The following EPDR1 variants were observed in gnomAD, a reference collection of about 807,000 sequenced individuals.
The protein encoded by EPDR1 is mammalian ependymin-related protein 1.
EPDR1 carries 27 observed loss-of-function variants against 23.7 expected under a neutral mutation model. That is an observed-to-expected ratio of 1.14 (90% CI 0.84 to 1.57). The LOEUF is 1.57. Among genes scored for constraint, EPDR1 ranks in the 40% most tolerant of loss-of-function variants. The pLI, the probability that EPDR1 is intolerant of heterozygous loss-of-function variation, is 0.00. For synonymous variants in EPDR1, 137 were observed against 118.2 expected (o/e 1.16, Z -1.03); for missense variants, 349 against 290.4 (o/e 1.20, Z -1.47).
chr7:37,938,339 C>T (rs114839363), intron 1 of EPDR1, among the ~76,000 whole-genome samples: 3,624 of 152,090 alleles, frequency 0.024, 156 homozygotes, highest in East Asian at 0.19. Context: ...CAGAGGGAGC[C>T]AAATCAGGAC....
chr7:37,921,116 C>A lies in EPDR1; in HGVS notation c.177C>A (p.Ser59Arg). The A allele has an allele frequency of 6.3e-7, 1 of 1,594,056 alleles. No homozygotes were observed. The highest frequency in any genetic ancestry group is 8.5e-7 in the Non-Finnish European group (1 of 1,177,768). Residue 59 changes from serine (S) to arginine (R), a missense_variant, in exon 1 of 3, where the codon AGC (serine) becomes AGA (arginine). Ser to Arg is a moderately radical substitution (Grantham distance 110, BLOSUM62 -1). Coordinates refer to ENST00000199448, the MANE Select transcript of EPDR1 (RefSeq NM_017549.5). The stretch of plus-strand genomic sequence containing the variant: ...GCCAGGTTATGTACCAGCAAAGTAG[C>A]GGGCGCAACAGCCGCGCCCTGCTCT... ...EGRQVMYQQSSGRNSRALLSY... is the reference protein window; with the variant it reads ...EGRQVMYQQSRGRNSRALLSY...
chr7:37,938,633 C>T (rs1786107046), intron 1 of EPDR1, among the ~76,000 whole-genome samples: 1 of 152,206 alleles, frequency 6.6e-6, no homozygotes, highest in Non-Finnish European at 1.5e-5. Context: ...TTTAACTGGA[C>T]CACTTCTACC....
chr7:37,950,340 C>T lies in EPDR1; in HGVS notation c.619C>T (p.Pro207Ser), dbSNP rs1264695885. 6.2e-7 allele frequency: 1 copy of T among 1,613,802 alleles called. No individual in the cohort carries two copies. Among genetic ancestry groups the T allele is most frequent in the Non-Finnish European group, 8.5e-7 (1 of 1,179,932 alleles). The change falls in exon 3 of 3, where the codon CCA (proline) becomes TCA (serine). Residue 207 changes from proline (P) to serine (S), a missense_variant. Transcript: ENST00000199448. Reference protein sequence around the residue: ...GIKDPSVFTPPSTCQMAQLEK... With the variant: ...GIKDPSVFTPSSTCQMAQLEK... The stretch of plus-strand genomic sequence containing the variant: ...TAAAGACCCCTCGGTGTTTACCCCT[C>T]CAAGCACGTGCCAGATGGCCCAACT...
At chr7:37,931,252 G>A (rs71535793) in intron 1 of EPDR1, among the ~76,000 whole-genome samples, 1,648 of 152,258 alleles carry the variant, frequency 0.011, 16 homozygotes, top group Middle Eastern at 0.048. Context: ...GGTGGCTCAC[G>A]CTTGTAATCC....
At chr7:37,940,464 G>A (rs1428121819) in intron 1 of EPDR1, among the ~76,000 whole-genome samples, 1 of 152,084 alleles carries the variant, frequency 6.6e-6, no homozygotes, top group Non-Finnish European at 1.5e-5. Flanking sequence ...GGAACCTAAT[G>A]ATCTATCAAT....
At chr7:37,927,658 G>C (rs775223285) in intron 1 of EPDR1, among the ~76,000 whole-genome samples, 7 of 152,104 alleles carry the variant, frequency 4.6e-5, no homozygotes, top group Non-Finnish European at 8.8e-5. Flanking sequence ...ATCCTCAGAG[G>C]GTGTTTCTGT....
At chr7:37,931,827 T>C (rs1297922528) in intron 1 of EPDR1, among the ~76,000 whole-genome samples, 1 of 152,052 alleles carries the variant, frequency 6.6e-6, no homozygotes, top group Non-Finnish European at 1.5e-5. Context: ...GCCTCCCGAG[T>C]AGCTGGGACT....
intron 1 of EPDR1, among the ~76,000 whole-genome samples, chr7:37,923,060 A>C (rs1785742159): frequency 6.6e-6 from 1 of 152,130 alleles, no homozygotes; most frequent in Non-Finnish European, 1.5e-5. Context: ...ACCACAGACC[A>C]CTCACTATTA....
At chr7:37,929,350 G>A (rs1785884500) in intron 1 of EPDR1, among the ~76,000 whole-genome samples, 1 of 152,130 alleles carries the variant, frequency 6.6e-6, no homozygotes, top group African/African-American at 2.4e-5. Flanking sequence ...TAACTCCTCA[G>A]AACACTTTAC....
chr7:37,920,754 G>T lies in EPDR1; in HGVS notation c.-186G>T. On this transcript the variant is annotated 5_prime_UTR_variant, in exon 1 of 3. Transcript: ENST00000199448. Reference sequence around the variant, plus strand: ...GAGCCTTCCCCGGGCCCTGGTCCCGGCTACCGGGACTCGCGCGTCCGGATC... The same window carrying T: ...GAGCCTTCCCCGGGCCCTGGTCCCGTCTACCGGGACTCGCGCGTCCGGATC... 1.2e-6 allele frequency: 2 copies of T among 1,609,508 alleles called. No homozygotes were observed. Among genetic ancestry groups the T allele is most frequent in the Non-Finnish European group, 1.7e-6 (2 of 1,177,690 alleles).
At chr7:37,948,760 A>G in intron 1 of EPDR1, 80 bp from the exon 2 acceptor site, 3 of 1,052,976 alleles carry the variant, frequency 2.8e-6, no homozygotes, top group South Asian at 1.3e-5. Context: ...AGTAATATCT[A>G]TCAAAGGTGT....
chr7:37,948,241 C>T (rs557690754), intron 1 of EPDR1, among the ~76,000 whole-genome samples: 14 of 152,202 alleles, frequency 9.2e-5, no homozygotes, highest in Non-Finnish European at 1.8e-4. Context: ...GCTCTTCAGC[C>T]GGAGCCATAT....
chr7:37,925,707 C>A (rs1785798217), intron 1 of EPDR1, among the ~76,000 whole-genome samples: 2 of 152,136 alleles, frequency 1.3e-5, no homozygotes, highest in Admixed American at 6.5e-5. Flanking sequence ...TGTTTTTCAT[C>A]TTTTAATTTA....
chr7:37,950,225 A>G lies in EPDR1; in HGVS notation c.504A>G (p.Thr168=). ...RSYETWIGIY[T]VKDCYPVQET... ...ATGAAACCTGGATTGGCATCTATAC[A>G]GTCAAGGATTGCTATCCTGTCCAGG... The change falls in exon 3 of 3, where the codon ACA becomes ACG. Residue 168 remains threonine (T), a synonymous_variant. Coordinates refer to ENST00000199448, the MANE Select transcript of EPDR1 (RefSeq NM_017549.5). The G allele has an allele frequency of 6.2e-7, 1 of 1,612,826 alleles. No homozygotes were observed. The highest frequency in any genetic ancestry group is 8.5e-7 in the Non-Finnish European group (1 of 1,179,090).
rs761451055 is a variant in EPDR1 at position 37,920,862 on chromosome 7, G to A, written c.-78G>A. 5.6e-6 allele frequency: 9 copies of A among 1,611,188 alleles called. No homozygotes were observed. In the East Asian group the frequency reaches 6.7e-5, roughly 12 times the overall value. The stretch of plus-strand genomic sequence containing the variant: ...CCGGCACAGTGCGGAAAGAGCCGGC[G>A]GGAGCCACTCTGATCCCGGACGCCT... On this transcript the variant is annotated 5_prime_UTR_variant, in exon 1 of 3. Transcript: ENST00000199448.
chr7:37,921,042 G>T lies in EPDR1; in HGVS notation c.103G>T (p.Ala35Ser). Reference sequence around the variant, plus strand: ...CCTGTGCGGCCTGTGCAGCCTGGGGGCGGTGGGAGCCCCGCGCCCGTGCCA... The same window carrying T: ...CCTGTGCGGCCTGTGCAGCCTGGGGTCGGTGGGAGCCCCGCGCCCGTGCCA... The part of the protein sequence containing the change: ...WTLCGLCSLG[A>S]VGAPRPCQAP... The change falls in exon 1 of 3, where the codon GCG (alanine) becomes TCG (serine). Residue 35 changes from alanine (A) to serine (S), a missense_variant. Coordinates refer to ENST00000199448, the MANE Select transcript of EPDR1 (RefSeq NM_017549.5). 4 of 1,533,398 alleles carry T rather than the reference G, an allele frequency of 2.6e-6. No individual in the cohort carries two copies. The highest frequency in any genetic ancestry group is 3.5e-6 in the Non-Finnish European group (4 of 1,145,192). 95.0% of individuals were successfully genotyped at this position (1,533,398 alleles called of 1,614,324 possible).
chr7:37,936,195 G>A (rs62443118), intron 1 of EPDR1, among the ~76,000 whole-genome samples: 1 of 150,908 alleles, frequency 6.6e-6, no homozygotes, highest in Non-Finnish European at 1.5e-5. Flanking sequence ...TTCCAGGAAT[G>A]CAAAGATGGT....
chr7:37,924,850 G>C (rs1267266386), intron 1 of EPDR1, among the ~76,000 whole-genome samples: 2 of 152,206 alleles, frequency 1.3e-5, no homozygotes, highest in Non-Finnish European at 2.9e-5. Context: ...GTTATTTGAA[G>C]AAAATATGGA....
At chr7:37,944,784 C>A (rs950431868) in intron 1 of EPDR1, among the ~76,000 whole-genome samples, 7 of 152,146 alleles carry the variant, frequency 4.6e-5, no homozygotes. Context: ...GGGGACACAG[C>A]CAAACCATAT....
Sources: allele counts gnomAD v4.1 joint callset (sites outside exome capture counted in the v4.1 genomes callset), GRCh38; gene constraint gnomAD v4.1.1; transcripts MANE v1.5; gene names NCBI Gene and HGNC (gene_info 2026-07-23, HGNC 2026-07-21).